FSTL4: variants seen among roughly 807,000 people sequenced by gnomAD.
FSTL4 encodes the protein follistatin like 4.
FSTL4 carries 28 observed loss-of-function variants against 78.2 expected under a neutral mutation model. The ratio of observed to expected loss-of-function variants is 0.36; its 90% CI spans 0.27 to 0.49. The LOEUF (loss-of-function observed/expected upper bound fraction) is 0.49. Among genes scored for constraint, FSTL4 ranks in the 20% least tolerant of loss-of-function variants. The probability of loss-of-function intolerance (pLI) is 0.98; values close to 1 mark genes in which losing one functional copy is unlikely to be tolerated. For missense variants in FSTL4, 922 were observed against 1,084.9 expected, an observed-to-expected ratio of 0.85 and a Z score of 2.11; for synonymous variants, 422 against 440.5, an observed-to-expected ratio of 0.96 and a Z score of 0.53.
the FSTL4 span, among the ~76,000 whole-genome samples, chr5:133,684,142 G>A: frequency 6.6e-6 from 1 of 152,212 alleles, no homozygotes; most frequent in Non-Finnish European, 1.5e-5. Flanking sequence ...GCATTAAAGG[G>A]ATCATTAAGC....
chr5:133,216,837 A>C (rs1750922933), intron 13 of FSTL4, among the ~76,000 whole-genome samples: 1 of 150,014 alleles, frequency 6.7e-6, no homozygotes, highest in Non-Finnish European at 1.5e-5. Context: ...TCATCCTCCC[A>C]CTCTACCCTT....
intron 1 of FSTL4, among the ~76,000 whole-genome samples, chr5:133,605,688 G>C (rs982598386): frequency 1.3e-5 from 2 of 152,218 alleles, no homozygotes; most frequent in Non-Finnish European, 2.9e-5. Flanking sequence ...CTATGAAAAG[G>C]CAAGGTTATA....
At chr5:133,798,982 G>T in the FSTL4 span, among the ~76,000 whole-genome samples, 1 of 129,038 alleles carries the variant, frequency 7.7e-6, no homozygotes, top group Admixed American at 7.8e-5. Context: ...GGGAGGGAGG[G>T]AGGGAGGAAG....
chr5:133,365,660 G>T (rs1054686284), intron 4 of FSTL4, among the ~76,000 whole-genome samples: 1 of 152,246 alleles, frequency 6.6e-6, no homozygotes, highest in Non-Finnish European at 1.5e-5. Flanking sequence ...TGAGTTATCC[G>T]AGCTGACGCT....
chr5:133,474,831 C>G (rs192229904), intron 3 of FSTL4, among the ~76,000 whole-genome samples: 1 of 152,346 alleles, frequency 6.6e-6, no homozygotes, highest in Admixed American at 6.5e-5. Flanking sequence ...GCAGTTTTGA[C>G]TGATAAGTAT....
chr5:133,734,474 G>A, the FSTL4 span, among the ~76,000 whole-genome samples: 2 of 152,120 alleles, frequency 1.3e-5, no homozygotes, highest in African/African-American at 4.8e-5. Flanking sequence ...AGAAAACCAA[G>A]GGAAAGGAGA....
chr5:133,237,207 C>T (rs1751688158), intron 7 of FSTL4, among the ~76,000 whole-genome samples: 1 of 152,312 alleles, frequency 6.6e-6, no homozygotes, highest in African/African-American at 2.4e-5. Context: ...CTTCTCCGTC[C>T]TGCAGCCCTC....
At chr5:133,760,270 G>T in the FSTL4 span, among the ~76,000 whole-genome samples, 1 of 152,356 alleles carries the variant, frequency 6.6e-6, no homozygotes. Context: ...AAGGGCCACA[G>T]AGTCATTTCA....
At chr5:133,221,375 C>T (rs1255017622) in intron 11 of FSTL4, among the ~76,000 whole-genome samples, 1 of 152,118 alleles carries the variant, frequency 6.6e-6, no homozygotes, top group African/African-American at 2.4e-5. Flanking sequence ...ACCCCTCTTT[C>T]CAGACAGCTT....
chr5:133,437,574 C>T (rs1361710185), intron 3 of FSTL4, among the ~76,000 whole-genome samples: 1 of 147,928 alleles, frequency 6.8e-6, no homozygotes, highest in Non-Finnish European at 1.5e-5. Context: ...ACTGCAACCT[C>T]CGCCTACTGG....
intron 2 of FSTL4, among the ~76,000 whole-genome samples, chr5:133,580,875 G>C (rs1760386727): frequency 6.6e-6 from 1 of 152,142 alleles, no homozygotes; most frequent in African/African-American, 2.4e-5. Flanking sequence ...ACCCACGCCA[G>C]GCTCCATGCT....
intron 6 of FSTL4, among the ~76,000 whole-genome samples, chr5:133,285,171 T>C (rs58068115): frequency 0.061 from 9,245 of 152,272 alleles, 386 homozygotes; most frequent in East Asian, 0.22. Flanking sequence ...TTGCACAAAG[T>C]TTATTTGTCT....
At chr5:133,636,606 C>A in the FSTL4 span, among the ~76,000 whole-genome samples, 1 of 152,100 alleles carries the variant, frequency 6.6e-6, no homozygotes, top group Admixed American at 6.6e-5. Flanking sequence ...AATAATAGAA[C>A]CTACCACTTA....
At chr5:133,724,497 G>A in the FSTL4 span, among the ~76,000 whole-genome samples, 6 of 150,694 alleles carry the variant, frequency 4.0e-5, no homozygotes, top group African/African-American at 9.7e-5. Flanking sequence ...TTTCCTGGGT[G>A]GGGGGGCGGG....
intron 3 of FSTL4, among the ~76,000 whole-genome samples, chr5:133,443,274 A>T (rs1161041473): frequency 1.3e-5 from 2 of 152,384 alleles, no homozygotes; most frequent in African/African-American, 2.4e-5. Flanking sequence ...GAAAGTGATA[A>T]GCGGAGCTCG....
At chr5:133,223,214 G>A (rs956815120) in intron 11 of FSTL4, among the ~76,000 whole-genome samples, 4 of 152,336 alleles carry the variant, frequency 2.6e-5, no homozygotes, top group Admixed American at 6.5e-5. Flanking sequence ...TGTGATCAGC[G>A]ACTGTTGCTA....
At chr5:133,831,453 A>G in the FSTL4 span, among the ~76,000 whole-genome samples, 5 of 151,996 alleles carry the variant, frequency 3.3e-5, no homozygotes, top group Non-Finnish European at 7.4e-5. Flanking sequence ...ATTAGGAGGC[A>G]GTGAGTGGTG....
chr5:133,393,866 C>A (rs573331673), intron 4 of FSTL4, among the ~76,000 whole-genome samples: 2 of 152,266 alleles, frequency 1.3e-5, no homozygotes, highest in African/African-American at 4.8e-5. Context: ...TAATGACCTG[C>A]GGAGCAGGGA....
chr5:133,707,581 A>G, the FSTL4 span, among the ~76,000 whole-genome samples: 2 of 152,290 alleles, frequency 1.3e-5, no homozygotes, highest in Middle Eastern at 3.4e-3. Context: ...CTGCATCTGA[A>G]TCCTACTCCT....
Sources: gnomAD v4.1 joint callset for allele counts (sites outside exome capture counted in the v4.1 genomes callset) on GRCh38, gnomAD v4.1.1 for gene constraint, MANE v1.5 for transcripts, NCBI Gene and HGNC (gene_info 2026-07-23, HGNC 2026-07-21) for gene names.